The following GALNTL6 variants were observed in gnomAD, a reference collection of about 807,000 sequenced individuals.
The protein encoded by GALNTL6 is polypeptide N-acetylgalactosaminyltransferase like 6.
GALNTL6 carries 46 observed loss-of-function variants against 73.7 expected under a neutral mutation model. That is an observed-to-expected ratio of 0.62 (90% CI 0.49 to 0.80). The LOEUF (loss-of-function observed/expected upper bound fraction) is 0.80, where lower values mean the gene tolerates loss of function less well. Ranked by LOEUF, GALNTL6 falls within the 30% of genes least tolerant of loss-of-function variation. The pLI, the probability that GALNTL6 is intolerant of heterozygous loss-of-function variation, is 0.00. For synonymous variants in GALNTL6, 259 were observed against 263.7 expected, an observed-to-expected ratio of 0.98 and a Z score of 0.17; for missense variants, 604 against 755.0, an observed-to-expected ratio of 0.80 and a Z score of 2.34.
chr4:172,843,341 T>C (rs749865151), intron 7 of GALNTL6, among the ~76,000 whole-genome samples: 1 of 152,214 alleles, frequency 6.6e-6, no homozygotes, highest in Admixed American at 6.5e-5. Context: ...GTCCCCAGTT[T>C]TGATATTTGA....
intron 5 of GALNTL6, among the ~76,000 whole-genome samples, chr4:172,587,711 C>A (rs1206373521): frequency 6.6e-6 from 1 of 152,232 alleles, no homozygotes; most frequent in East Asian, 1.9e-4. Context: ...TCGGCTCTAG[C>A]AATGCCTCCT....
intron 5 of GALNTL6, among the ~76,000 whole-genome samples, chr4:172,549,052 T>A (rs545386052): frequency 1.3e-5 from 2 of 152,210 alleles, no homozygotes; most frequent in Non-Finnish European, 2.9e-5. Context: ...TAATTTTCCC[T>A]TTGAGATGTA....
chr4:172,948,997 GA>G (rs1248727700), intron 9 of GALNTL6, among the ~76,000 whole-genome samples: 1 of 152,090 alleles, frequency 6.6e-6, no homozygotes, highest in Non-Finnish European at 1.5e-5. Flanking sequence ...GACTGCACCG[GA>G]ATTAGTTAGT....
chr4:172,263,080 C>T (rs918947613), intron 3 of GALNTL6, among the ~76,000 whole-genome samples: 9 of 151,388 alleles, frequency 5.9e-5, no homozygotes, highest in African/African-American at 2.2e-4. Context: ...TTTAGATAAC[C>T]TGATGACCAT....
chr4:172,397,752 A>G (rs1274007137), intron 5 of GALNTL6, among the ~76,000 whole-genome samples: 4 of 151,510 alleles, frequency 2.6e-5, no homozygotes, highest in East Asian at 3.9e-4. Context: ...TAATTTTTGT[A>G]TTTTTTAGTA....
intron 5 of GALNTL6, among the ~76,000 whole-genome samples, chr4:172,588,628 T>C (rs1560823606): frequency 6.6e-6 from 1 of 152,090 alleles, no homozygotes. Context: ...TAAGAACATC[T>C]TGGTTTTGGA....
At chr4:172,489,268 G>A (rs1255932312) in intron 5 of GALNTL6, among the ~76,000 whole-genome samples, 4 of 152,106 alleles carry the variant, frequency 2.6e-5, no homozygotes, top group Non-Finnish European at 5.9e-5. Context: ...ACATGCGCAC[G>A]CACGCAGACA....
In GALNTL6 at chr4:172,637,743, G is replaced by A. The variant is rs1739763626; in HGVS notation, c.554-171618G>A. 2.0e-5 allele frequency among the ~76,000 whole-genome samples: 3 copies of A among 152,218 alleles called. No individual in the cohort carries two copies. The South Asian group carries it at 6.2e-4, about 32-fold the overall frequency. ...AAAAGCAAATAACTTATTGGGTAAA[G>A]TTCTTAAGTTCTACATCTAGCTCTG... On this transcript the variant is annotated intron_variant, in intron 5 of 12. Coordinates refer to ENST00000506823, the MANE Select transcript of GALNTL6 (RefSeq NM_001034845.3).
Position 172,277,547 on chromosome 4 carries a change from A to G in GALNTL6, c.248-34067A>G, listed in dbSNP as rs1738881329. Among the ~76,000 whole-genome samples the G allele has an allele frequency of 2.0e-5, 3 of 152,310 alleles. No individual in the cohort carries two copies. The South Asian group carries it at 6.2e-4, about 32-fold the overall frequency. On this transcript the variant is annotated intron_variant, in intron 3 of 12. Transcript: ENST00000506823. Reference sequence around the variant, plus strand: ...AGCACCCTTTGTTTCACGTAATTCAACCTTGGAGGGGAAATGGAAAGTCAA... The same window carrying G: ...AGCACCCTTTGTTTCACGTAATTCAGCCTTGGAGGGGAAATGGAAAGTCAA...
intron 5 of GALNTL6, among the ~76,000 whole-genome samples, chr4:172,456,105 G>A (rs952525115): frequency 1.3e-5 from 2 of 152,094 alleles, no homozygotes; most frequent in Non-Finnish European, 2.9e-5. Context: ...TGCAGCAGAG[G>A]GACCTGACTG....
chr4:171,913,229 AAAAG>A (rs1221318653), intron 2 of GALNTL6, among the ~76,000 whole-genome samples: 22 of 152,354 alleles, frequency 1.4e-4, no homozygotes, highest in Middle Eastern at 3.4e-3. Flanking sequence ...TTGCATAAAG[AAAAG>A]AAAGAAAAGT....
intron 8 of GALNTL6, among the ~76,000 whole-genome samples, chr4:172,919,334 T>A (rs1418669076): frequency 6.6e-6 from 1 of 152,176 alleles, no homozygotes; most frequent in African/African-American, 2.4e-5. Context: ...CCTCTCAGTG[T>A]CCATTTCATT....
chr4:172,635,086 A>G (rs762590869), intron 5 of GALNTL6, among the ~76,000 whole-genome samples: 36 of 152,196 alleles, frequency 2.4e-4, no homozygotes, highest in Non-Finnish European at 4.6e-4. Flanking sequence ...CATGACTTGT[A>G]AAATGTCTGC....
At chr4:172,412,557 A>G (rs1233427437) in intron 5 of GALNTL6, among the ~76,000 whole-genome samples, 4 of 152,174 alleles carry the variant, frequency 2.6e-5, no homozygotes, top group South Asian at 2.1e-4. Context: ...TTTAGTTAAG[A>G]CACCTTAGAT....
intron 3 of GALNTL6, among the ~76,000 whole-genome samples, chr4:172,279,285 G>A (rs1224201937): frequency 2.0e-5 from 3 of 152,046 alleles, no homozygotes; most frequent in Non-Finnish European, 4.4e-5. Flanking sequence ...GGTAACCATT[G>A]AAATGGGAGA....
Position 172,942,785 on chromosome 4 carries a change from C to A in GALNTL6, c.1150-9252C>A, listed in dbSNP as rs147747811. On this transcript the variant is annotated intron_variant, in intron 9 of 12. Coordinates refer to ENST00000506823, the MANE Select transcript of GALNTL6 (RefSeq NM_001034845.3). Reference sequence around the variant, plus strand: ...CAACCACTAGCTCACAATGCTGAGTCTGGAGGAACCAAGACTTCAGTCATT... The same window carrying A: ...CAACCACTAGCTCACAATGCTGAGTATGGAGGAACCAAGACTTCAGTCATT... 1.8e-3 allele frequency among the ~76,000 whole-genome samples: 267 copies of A among 152,280 alleles called. 1 individual carries two copies. Among genetic ancestry groups the A allele is most frequent in the East Asian group, 6.8e-3 (35 of 5,172 alleles).
At chr4:172,733,686 A>G (rs1281097625) in intron 5 of GALNTL6, among the ~76,000 whole-genome samples, 1 of 152,176 alleles carries the variant, frequency 6.6e-6, no homozygotes, top group East Asian at 1.9e-4. Flanking sequence ...GCCTGCTGCC[A>G]TGTAAGATGT....
intron 7 of GALNTL6, among the ~76,000 whole-genome samples, chr4:172,821,285 T>C (rs1279514982): frequency 6.6e-6 from 1 of 152,198 alleles, no homozygotes; most frequent in Non-Finnish European, 1.5e-5. Context: ...AATGCCTTCA[T>C]TCATTCATTC....
At chr4:172,837,110 G>A (rs1340372189) in intron 7 of GALNTL6, among the ~76,000 whole-genome samples, 1 of 152,092 alleles carries the variant, frequency 6.6e-6, no homozygotes, top group African/African-American at 2.4e-5. Context: ...AAAAACAATA[G>A]GCAAAATGGT....
Sources: allele counts gnomAD v4.1 joint callset (sites outside exome capture counted in the v4.1 genomes callset), GRCh38; gene constraint gnomAD v4.1.1; transcripts MANE v1.5; gene names NCBI Gene and HGNC (gene_info 2026-07-23, HGNC 2026-07-21).